DSC3: variants seen among roughly 807,000 people sequenced by gnomAD.
The protein encoded by DSC3 is desmocollin-3.
A neutral mutation model predicts 89.5 loss-of-function variants in DSC3; 97 were observed. The observed-to-expected ratio is 1.08, with a 90% confidence interval of 0.92 to 1.28. The LOEUF (loss-of-function observed/expected upper bound fraction) is 1.28. Among genes scored for constraint, DSC3 ranks in the 50% most tolerant of loss-of-function variants. The pLI is 0.00. For missense variants in DSC3, 1,199 were observed against 1,085.3 expected (o/e 1.10, Z -1.47); for synonymous variants, 436 against 384.1 (o/e 1.14, Z -1.58).
At chr18:31,034,009 T>G (rs1985890525) in intron 1 of DSC3, among the ~76,000 whole-genome samples, 1 of 152,108 alleles carries the variant, frequency 6.6e-6, no homozygotes, top group South Asian at 2.1e-4. Context: ...TATTTTGTAG[T>G]GGAGACGAGG....
intron 11 of DSC3, 114 bp from the exon 12 acceptor site, chr18:31,007,245 T>A: frequency 4.2e-6 from 3 of 712,990 alleles, no homozygotes; most frequent in Non-Finnish European, 7.0e-6. Flanking sequence ...AACTGATTAT[T>A]AAAGGAAATG....
chr18:31,042,543 G>A (rs1986168168), intron 1 of DSC3, 49 bp downstream of exon 1: 3 of 1,529,172 alleles, frequency 2.0e-6, no homozygotes, highest in Non-Finnish European at 2.7e-6. Flanking sequence ...GTCCAGGGCG[G>A]ATCCACCCCC....
At position 31,008,322 on chromosome 18, in the gene DSC3, C is replaced by A; in HGVS notation, c.1467G>T (p.Lys489Asn). 1 of 1,614,040 alleles carries A rather than the reference C, an allele frequency of 6.2e-7. No homozygotes were observed. The highest frequency in any genetic ancestry group is 8.5e-7 in the Non-Finnish European group (1 of 1,179,996). The change falls in exon 10 of 16, where the codon AAG (lysine) becomes AAT (asparagine). Residue 489 changes from lysine to asparagine, a missense_variant. Lys to Asn is a moderately conservative substitution (Grantham distance 94). Transcript: ENST00000360428. ...RIKENLAVGS[K>N]INGYKAYDPE... Reference sequence around the variant, plus strand: ...GGTCATATGCCTTATAGCCGTTGATCTTTGACCCCACTGCTAAGTTTTCTT... The same window carrying A: ...GGTCATATGCCTTATAGCCGTTGATATTTGACCCCACTGCTAAGTTTTCTT...
intron 1 of DSC3, among the ~76,000 whole-genome samples, chr18:31,032,569 T>A (rs1567961616): frequency 4.7e-5 from 6 of 128,344 alleles, no homozygotes; most frequent in African/African-American, 1.9e-4. Context: ...TGTGTGTGTG[T>A]GTGTGTGTGT....
At chr18:31,001,871 T>G in intron 13 of DSC3, 132 bp from the exon 14 acceptor site, 1 of 718,384 alleles carries the variant, frequency 1.4e-6, no homozygotes, top group East Asian at 2.8e-5. Flanking sequence ...ATGAATTATC[T>G]TGGCTGTTCT....
chr18:31,007,191 A>C (rs1447415092), intron 11 of DSC3, 60 bp from the exon 12 acceptor site: 8 of 1,269,246 alleles, frequency 6.3e-6, no homozygotes, highest in African/African-American at 1.5e-5. Context: ...TTTCTTAAAG[A>C]ATAAAAAGTC....
chr18:30,996,943 T>A lies in DSC3; in HGVS notation c.2341A>T (p.Met781Leu), dbSNP rs1169551125. ...AAGGTCTGGTTTCCTCCTTTCATCA[T>A]TTCAATGGTTTCCTGCCCTCCATTT... The part of the protein sequence containing the change: ...MKNGGQETIE[M>L]MKGGNQTLES... The change falls in exon 15 of 16, where the codon ATG becomes TTG. Residue 781 changes from methionine (M) to leucine (L), a missense_variant. By Grantham distance (15) the Met-to-Leu change is conservative (BLOSUM62 2). Coordinates refer to ENST00000360428, the MANE Select transcript of DSC3 (RefSeq NM_001941.5). The A allele has an allele frequency of 1.2e-6, 2 of 1,614,132 alleles. No individual in the cohort carries two copies. The highest frequency in any genetic ancestry group is 8.5e-7 in the Non-Finnish European group (1 of 1,180,010).
At chr18:31,024,061 G>A (rs998048412) in intron 6 of DSC3, among the ~76,000 whole-genome samples, 12 of 152,164 alleles carry the variant, frequency 7.9e-5, no homozygotes, top group African/African-American at 1.7e-4. Flanking sequence ...AAAAACCCAC[G>A]AGGAAATGAA....
rs1984362676 is a variant in DSC3 at position 30,993,958 on chromosome 18, G to T, written c.*217C>A. ...ATGCTTTAGAGACCTTAATTCCAGTGCTGGAGTTTGAGATTTACCAGTTGT... is the reference window on the plus strand; with the variant it reads ...ATGCTTTAGAGACCTTAATTCCAGTTCTGGAGTTTGAGATTTACCAGTTGT... On this transcript the variant is annotated 3_prime_UTR_variant, in exon 16 of 16. Coordinates refer to ENST00000360428, the MANE Select transcript of DSC3 (RefSeq NM_001941.5). 4.1e-6 allele frequency: 2 copies of T among 490,148 alleles called. No individual in the cohort carries two copies. The highest frequency in any genetic ancestry group is 7.4e-6 in the Non-Finnish European group (2 of 270,858). The allele number at this position is 490,148 out of a possible 1,614,324, so 30.4% of individuals were successfully genotyped here.
At chr18:31,017,098 T>C (rs1985260973) in intron 9 of DSC3, among the ~76,000 whole-genome samples, 1 of 152,166 alleles carries the variant, frequency 6.6e-6, no homozygotes, top group Non-Finnish European at 1.5e-5. Flanking sequence ...GCATAATGGG[T>C]TTTTTTAAGT....
At chr18:30,996,120 C>T (rs373855354) in intron 15 of DSC3, among the ~76,000 whole-genome samples, 3 of 151,306 alleles carry the variant, frequency 2.0e-5, no homozygotes, top group Non-Finnish European at 2.9e-5. Context: ...ACTTTACATT[C>T]GCATGGTGCT....
chr18:31,042,547 C>A (rs1181200650), intron 1 of DSC3, 45 bp downstream of exon 1: 2 of 1,534,492 alleles, frequency 1.3e-6, no homozygotes, highest in Non-Finnish European at 1.8e-6. Context: ...AGGGCGGATC[C>A]ACCCCCGTCC....
Position 31,007,024 on chromosome 18 carries a change from A to C in DSC3, c.1771T>G (p.Tyr591Asp), listed in dbSNP as rs1182529436. The change falls in exon 12 of 16, where the codon TAT (tyrosine) becomes GAT (aspartate). Residue 591 changes from tyrosine to aspartate, a missense_variant. Transcript: ENST00000360428. Reference sequence around the variant, plus strand: ...GGATCAACAGCTAAAATGTCGGTATACCCCATTTTTGGTTTGCAAATGACT... The same window carrying C: ...GGATCAACAGCTAAAATGTCGGTATCCCCCATTTTTGGTTTGCAAATGACT... Reference protein sequence around the residue: ...YVVICKPKMGYTDILAVDPDE... With the variant: ...YVVICKPKMGDTDILAVDPDE... The C allele has an allele frequency of 5.0e-6, 8 of 1,613,380 alleles. No individual in the cohort carries two copies. The highest frequency in any genetic ancestry group is 6.8e-6 in the Non-Finnish European group (8 of 1,179,480).
At chr18:31,002,824 G>A (rs1237236862) in intron 13 of DSC3, among the ~76,000 whole-genome samples, 1 of 152,042 alleles carries the variant, frequency 6.6e-6, no homozygotes, top group Non-Finnish European at 1.5e-5. Context: ...TTTTATAGCA[G>A]TGTTACTGTT....
At chr18:31,009,714 T>C (rs967629526) in intron 9 of DSC3, among the ~76,000 whole-genome samples, 3 of 152,202 alleles carry the variant, frequency 2.0e-5, no homozygotes, top group African/African-American at 7.2e-5. Flanking sequence ...CTCATGACAT[T>C]ATGAAGTAAG....
At position 30,992,607 on chromosome 18, in the gene DSC3, C is replaced by T. The variant is rs1168343978; in HGVS notation, c.*1568G>A. The stretch of plus-strand genomic sequence containing the variant: ...CATATTCCTTGTGGCCTCTCCTTGC[C>T]CTTGAAGGCCTGCATCTTCCTGTTG... On this transcript the variant is annotated 3_prime_UTR_variant, in exon 16 of 16. Transcript: ENST00000360428. 2 of 152,268 alleles carry T rather than the reference C, an allele frequency of 1.3e-5. No homozygotes were observed. The highest frequency in any genetic ancestry group is 2.9e-5 in the Non-Finnish European group (2 of 68,070). The allele number at this position is 152,268 out of a possible 1,614,324, so 9.4% of individuals were successfully genotyped here. A position where few individuals can be genotyped will look rare whatever the true frequency, so the allele number is the denominator to read the frequency against.
At chr18:30,998,685 C>T (rs910277796) in intron 14 of DSC3, among the ~76,000 whole-genome samples, 1 of 152,102 alleles carries the variant, frequency 6.6e-6, no homozygotes, top group Non-Finnish European at 1.5e-5. Context: ...CAGGCCAGAT[C>T]TGAATAGCCA....
intron 5 of DSC3, among the ~76,000 whole-genome samples, chr18:31,025,528 T>C (rs1200768614): frequency 6.6e-6 from 1 of 152,144 alleles, no homozygotes; most frequent in Non-Finnish European, 1.5e-5. Flanking sequence ...CGAAATACTT[T>C]GAAATTTATG....
chr18:31,032,189 C>G lies in DSC3; in HGVS notation c.154+3G>C. 5 of 1,606,764 alleles carry G rather than the reference C, an allele frequency of 3.1e-6. No homozygotes were observed. In the South Asian group the frequency reaches 5.5e-5, roughly 18 times the overall value. On this transcript the variant is annotated splice_donor_region_variant and intron_variant, in intron 2 of 15. Transcript: ENST00000360428. The stretch of plus-strand genomic sequence containing the variant: ...CTTTAAAAAGACTTTTAAAATTTCT[C>G]ACCTCTGCCAATTATTTTGTCTGCC...
Sources: allele counts gnomAD v4.1 joint callset (sites outside exome capture counted in the v4.1 genomes callset), GRCh38; gene constraint gnomAD v4.1.1; transcripts MANE v1.5; gene names NCBI Gene and HGNC (gene_info 2026-07-23, HGNC 2026-07-21).